PTPN9: variants seen among roughly 807,000 people sequenced by gnomAD.
PTPN9 encodes tyrosine-protein phosphatase non-receptor type 9.
Under a neutral mutation model 69.8 loss-of-function variants are expected in PTPN9, and 26 were observed. The ratio of observed to expected loss-of-function variants is 0.37; its 90% CI spans 0.27 to 0.52. The LOEUF is 0.52. PTPN9 is among the 20% of genes least tolerant of loss of function. The pLI is 0.91. For synonymous variants in PTPN9, 274 were observed against 272.5 expected, an observed-to-expected ratio of 1.01 and a Z score of -0.05; for missense variants, 549 against 740.3, an observed-to-expected ratio of 0.74 and a Z score of 3.00.
chr15:75,516,698 G>A (rs2074871574), intron 5 of PTPN9, among the ~76,000 whole-genome samples: 1 of 150,134 alleles, frequency 6.7e-6, no homozygotes, highest in Admixed American at 6.7e-5. Context: ...GTGAGTCATG[G>A]CACCCAGCCC....
At chr15:75,470,119 C>T (rs1294881442) in intron 11 of PTPN9, 120 bp from the exon 12 acceptor site, 1 of 911,016 alleles carries the variant, frequency 1.1e-6, no homozygotes, top group Admixed American at 2.4e-5. Flanking sequence ...CTATCCACCA[C>T]TGTCAACTTT....
intron 4 of PTPN9, among the ~76,000 whole-genome samples, chr15:75,518,826 A>AGG (rs1356589677): frequency 3.3e-5 from 5 of 151,766 alleles, no homozygotes; most frequent in African/African-American, 1.2e-4. Context: ...CAGGGGAAAA[A>AGG]AAAAAAAAAA....
chr15:75,573,121 G>C (rs2075156461), intron 1 of PTPN9, among the ~76,000 whole-genome samples: 1 of 152,196 alleles, frequency 6.6e-6, no homozygotes, highest in Non-Finnish European at 1.5e-5. Context: ...GGAAACACTG[G>C]CAGTGAAGGC....
intron 1 of PTPN9, among the ~76,000 whole-genome samples, chr15:75,537,443 TAAAAA>T (rs71140168): frequency 9.8e-5 from 2 of 20,346 alleles, no homozygotes; most frequent in Non-Finnish European, 1.7e-4. Context: ...ATATCTTCCC[TAAAAA>T]AAAAAAAAAA....
At chr15:75,525,822 G>A (rs1037223778) in intron 2 of PTPN9, among the ~76,000 whole-genome samples, 3 of 151,670 alleles carry the variant, frequency 2.0e-5, no homozygotes, top group African/African-American at 7.3e-5. Flanking sequence ...GGGAGGCTAA[G>A]GTGAGGTGGG....
intron 5 of PTPN9, among the ~76,000 whole-genome samples, chr15:75,514,531 A>G (rs780648012): frequency 7.9e-5 from 12 of 152,218 alleles, no homozygotes; most frequent in Non-Finnish European, 1.8e-4. Context: ...GTGAGCCAAG[A>G]TCGTGCCACT....
chr15:75,559,928 T>G (rs2141340192), intron 1 of PTPN9, among the ~76,000 whole-genome samples: 1 of 152,158 alleles, frequency 6.6e-6, no homozygotes, highest in South Asian at 2.1e-4. Flanking sequence ...TCATTTGAGG[T>G]CAGGAGTTCA....
At chr15:75,508,039 C>CAAAAAAAAAAAA (rs990909256) in intron 6 of PTPN9, among the ~76,000 whole-genome samples, 1 of 37,380 alleles carries the variant, frequency 2.7e-5, no homozygotes. Flanking sequence ...GAGACACTCT[C>CAAAAAAAAAAAA]AAAAAAAAAA....
intron 1 of PTPN9, among the ~76,000 whole-genome samples, chr15:75,544,590 C>T (rs2075023729): frequency 6.6e-6 from 1 of 152,004 alleles, no homozygotes; most frequent in Non-Finnish European, 1.5e-5. Flanking sequence ...AGCTCCTCAT[C>T]CACCAACAAG....
chr15:75,564,214 G>A (rs1477765446), intron 1 of PTPN9, among the ~76,000 whole-genome samples: 1 of 151,836 alleles, frequency 6.6e-6, no homozygotes, highest in Non-Finnish European at 1.5e-5. Context: ...GCCTCCCAAA[G>A]TGTTGGAATT....
intron 8 of PTPN9, among the ~76,000 whole-genome samples, chr15:75,482,679 C>T (rs2074648712): frequency 6.6e-6 from 1 of 151,418 alleles, no homozygotes; most frequent in South Asian, 2.1e-4. Flanking sequence ...AAACCAGAGA[C>T]CTTTGTTCAC....
intron 5 of PTPN9, chr15:75,513,399 A>C (rs1289976159): frequency 2.2e-6 from 1 of 456,030 alleles, no homozygotes; most frequent in Non-Finnish European, 4.4e-6. Context: ...TCCATAGAGG[A>C]GTGCTGGGGT....
At chr15:75,470,223 G>A (rs2074556800) in intron 11 of PTPN9, among the ~76,000 whole-genome samples, 1 of 152,066 alleles carries the variant, frequency 6.6e-6, no homozygotes, top group Non-Finnish European at 1.5e-5. Context: ...AATTTTTTTT[G>A]AGACAGGATC....
chr15:75,501,466 T>C (rs922419404), intron 7 of PTPN9, among the ~76,000 whole-genome samples: 26 of 147,044 alleles, frequency 1.8e-4, no homozygotes, highest in African/African-American at 6.5e-4. Context: ...CTTTCTTTCT[T>C]TTTTTTTTTT....
chr15:75,528,168 C>T (rs1404686394), intron 1 of PTPN9, among the ~76,000 whole-genome samples: 2 of 152,280 alleles, frequency 1.3e-5, no homozygotes, highest in East Asian at 3.9e-4. Context: ...ATAACAGCCC[C>T]TCTGGATAGT....
chr15:75,474,117 C>T (rs971308355), intron 9 of PTPN9, among the ~76,000 whole-genome samples: 1 of 152,222 alleles, frequency 6.6e-6, no homozygotes, highest in Non-Finnish European at 1.5e-5. Context: ...GTTTTCATCT[C>T]ACCTAAGCTT....
chr15:75,565,278 G>T (rs578069006), intron 1 of PTPN9, among the ~76,000 whole-genome samples: 6 of 152,080 alleles, frequency 3.9e-5, no homozygotes, highest in Non-Finnish European at 8.8e-5. Flanking sequence ...TTTTCAGTAT[G>T]AGAAGTCAAT....
chr15:75,479,779 C>G (rs921859347), intron 9 of PTPN9, 69 bp downstream of exon 9: 5 of 1,311,006 alleles, frequency 3.8e-6, no homozygotes, highest in Non-Finnish European at 2.1e-6. Context: ...AAAAATTATG[C>G]TATCATTTGG....
chr15:75,549,703 G>A (rs2075048587), intron 1 of PTPN9, among the ~76,000 whole-genome samples: 1 of 152,170 alleles, frequency 6.6e-6, no homozygotes, highest in African/African-American at 2.4e-5. Flanking sequence ...AGGATAACAA[G>A]AAGGGTTTTG....
Sources: gnomAD v4.1 joint callset for allele counts (sites outside exome capture counted in the v4.1 genomes callset) on GRCh38, gnomAD v4.1.1 for gene constraint, MANE v1.5 for transcripts, NCBI Gene and HGNC (gene_info 2026-07-23, HGNC 2026-07-21) for gene names.